AP4S1: variants seen among roughly 807,000 people sequenced by gnomAD.
AP4S1 encodes adaptor related protein complex 4 subunit sigma 1, also known as AP-4 complex subunit sigma-1.
AP4S1 carries 23 observed loss-of-function variants against 19.8 expected under a neutral mutation model. That is an observed-to-expected ratio of 1.16 (90% CI 0.84 to 1.65). The LOEUF is 1.65. Ranked by LOEUF, AP4S1 falls within the 40% of genes most tolerant of loss-of-function variation. AP4S1 has a pLI of 0.00. For synonymous variants in AP4S1, 46 were observed against 54.1 expected (o/e 0.85, Z 0.66); for missense variants, 166 against 172.8 (o/e 0.96, Z 0.22).
intron 1 of AP4S1, among the ~76,000 whole-genome samples, chr14:31,033,320 T>A (rs1251050369): frequency 6.6e-6 from 1 of 152,006 alleles, no homozygotes; most frequent in Non-Finnish European, 1.5e-5. Flanking sequence ...TTCAAACAAT[T>A]CTCCTGCCTC....
chr14:31,055,988 C>T (rs944611956), intron 1 of AP4S1, among the ~76,000 whole-genome samples: 6 of 150,884 alleles, frequency 4.0e-5, no homozygotes, highest in Admixed American at 2.0e-4. Flanking sequence ...GGATTACAGG[C>T]GCCCACCACC....
At chr14:31,036,979 A>ATTTTTTTTTTTTTTTTTTTTTTTT (rs1362672113) in intron 1 of AP4S1, among the ~76,000 whole-genome samples, 4 of 151,742 alleles carry the variant, frequency 2.6e-5, no homozygotes, top group African/African-American at 9.7e-5. Flanking sequence ...TGCCCGGCTA[A>ATTTTTTTTTTTTTTTTTTTTTTTT]TTTTTTGTAT....
At chr14:31,054,397 G>A (rs188505784) in intron 1 of AP4S1, among the ~76,000 whole-genome samples, 3 of 152,230 alleles carry the variant, frequency 2.0e-5, no homozygotes, top group African/African-American at 7.2e-5. Context: ...AATTAGCAGG[G>A]CATGGGCTGG....
At chr14:31,073,108 A>T (rs1210565231) in intron 4 of AP4S1, 135 bp downstream of exon 4, 2 of 754,878 alleles carry the variant, frequency 2.6e-6, no homozygotes, top group Non-Finnish European at 4.6e-6. Context: ...AGTGATGCCA[A>T]ATTTTCTTTA....
chr14:31,045,267 C>T (rs1018890372), intron 1 of AP4S1, among the ~76,000 whole-genome samples: 4 of 152,052 alleles, frequency 2.6e-5, no homozygotes, highest in Non-Finnish European at 4.4e-5. Context: ...TTTTATGAAC[C>T]GTTTTACCAC....
intron 1 of AP4S1, among the ~76,000 whole-genome samples, chr14:31,061,459 A>G (rs1267722215): frequency 6.6e-6 from 1 of 152,124 alleles, no homozygotes. Context: ...CATTTAGCAA[A>G]CTGACTCTTA....
chr14:31,080,596 C>G lies in AP4S1; in HGVS notation c.306+12C>G. The G allele has an allele frequency of 1.2e-6, 2 of 1,613,726 alleles. No individual in the cohort carries two copies. Among genetic ancestry groups the G allele is most frequent in the Non-Finnish European group, 1.7e-6 (2 of 1,179,674 alleles). On this transcript the variant is annotated intron_variant, in intron 5 of 5. Coordinates refer to ENST00000542754, the MANE Select transcript of AP4S1 (RefSeq NM_001128126.3). ...AGAGTGAATTAGATGTATCCTTTTT[C>G]AATACTGTTTTCCACAGTACTTGGC...
chr14:31,072,856 C>T lies in AP4S1; in HGVS notation c.226-49C>T, dbSNP rs772858144. ...ACTGGGAAGTTCTATGTCTGGTTTA[C>T]ATGGGAAGCGACACTAAAATTGATT... On this transcript the variant is annotated intron_variant, in intron 3 of 5. Coordinates refer to ENST00000542754, the MANE Select transcript of AP4S1 (RefSeq NM_001128126.3). The T allele has an allele frequency of 6.8e-6, 10 of 1,479,602 alleles. No individual in the cohort carries two copies. The South Asian group carries it at 1.0e-4, about 15-fold the overall frequency. 91.7% of individuals were successfully genotyped at this position (1,479,602 alleles called of 1,614,324 possible). A position where few individuals can be genotyped will look rare whatever the true frequency, so the allele number is the denominator to read the frequency against.
intron 1 of AP4S1, among the ~76,000 whole-genome samples, chr14:31,051,826 A>G (rs1885814348): frequency 6.6e-6 from 1 of 152,092 alleles, no homozygotes; most frequent in South Asian, 2.1e-4. Context: ...ACACCTGGCT[A>G]ATTTTTGTAT....
Position 31,096,085 on chromosome 14 carries a change from G to A in AP4S1, c.*3050G>A, listed in dbSNP as rs1052422247. On this transcript the variant is annotated 3_prime_UTR_variant, in exon 6 of 6. Coordinates refer to ENST00000542754, the MANE Select transcript of AP4S1 (RefSeq NM_001128126.3). ...CAGCCTGGGCACAGAGTGAGATTCC[G>A]TCTCAAAAAAAAAAAAAAAAAAAAA... is the stretch of plus-strand genomic sequence containing the variant. 1.1e-4 allele frequency: 11 copies of A among 102,326 alleles called. No individual in the cohort carries two copies. Among genetic ancestry groups the A allele is most frequent in the African/African-American group, 4.3e-4 (10 of 23,500 alleles). 6.3% of individuals were successfully genotyped at this position (102,326 alleles called of 1,614,324 possible). A position where few individuals can be genotyped will look rare whatever the true frequency, so the allele number is the denominator to read the frequency against.
At chr14:31,060,952 C>T (rs531193044) in intron 1 of AP4S1, among the ~76,000 whole-genome samples, 6 of 152,096 alleles carry the variant, frequency 3.9e-5, no homozygotes, top group South Asian at 2.1e-4. Flanking sequence ...TGCAGTGGCA[C>T]GATCTCGGTG....
intron 1 of AP4S1, among the ~76,000 whole-genome samples, chr14:31,061,260 C>T (rs1886422468): frequency 6.6e-6 from 1 of 152,188 alleles, no homozygotes; most frequent in Non-Finnish European, 1.5e-5. Flanking sequence ...CTCAGGTGAT[C>T]TGCCCACCTC....
chr14:31,054,328 A>C (rs1406116593), intron 1 of AP4S1, among the ~76,000 whole-genome samples: 1 of 152,248 alleles, frequency 6.6e-6, no homozygotes, highest in African/African-American at 2.4e-5. Flanking sequence ...TAATTGAGTA[A>C]ATAAACAAAT....
upstream of AP4S1, chr14:31,025,456 G>C (rs1883775876): frequency 6.2e-6 from 1 of 161,632 alleles, no homozygotes; most frequent in Non-Finnish European, 1.3e-5. Flanking sequence ...ATCGGAAAGG[G>C]GGGTGGTCCG....
chr14:31,082,046 G>A (rs1280517702), intron 5 of AP4S1, among the ~76,000 whole-genome samples: 1 of 152,062 alleles, frequency 6.6e-6, no homozygotes, highest in Admixed American at 6.6e-5. Context: ...GAACCAGTAT[G>A]TTTGCATCCA....
chr14:31,028,047 T>A (rs1273541872), intron 1 of AP4S1, among the ~76,000 whole-genome samples: 1 of 152,260 alleles, frequency 6.6e-6, no homozygotes, highest in Admixed American at 6.5e-5. Flanking sequence ...ACATCTGCTT[T>A]ACTGTTATTA....
intron 5 of AP4S1, among the ~76,000 whole-genome samples, chr14:31,088,807 CAAAAAAAAAAA>C (rs1283476951): frequency 5.7e-5 from 2 of 35,350 alleles, no homozygotes; most frequent in South Asian, 1.1e-3. Context: ...GACTCCATCT[CAAAAAAAAAAA>C]AAAAAAAAAA....
At chr14:31,068,166 C>A (rs1490204707) in intron 2 of AP4S1, among the ~76,000 whole-genome samples, 1 of 152,236 alleles carries the variant, frequency 6.6e-6, no homozygotes, top group Non-Finnish European at 1.5e-5. Flanking sequence ...CCACGCCCGG[C>A]CCCTTGAACA....
intron 1 of AP4S1, among the ~76,000 whole-genome samples, chr14:31,035,226 A>G (rs1163085040): frequency 3.5e-5 from 4 of 114,064 alleles, no homozygotes; most frequent in Non-Finnish European, 4.9e-5. Flanking sequence ...GATGGAGTCT[A>G]GCTCTATCGC....
Sources: allele counts gnomAD v4.1 joint callset (sites outside exome capture counted in the v4.1 genomes callset), GRCh38; gene constraint gnomAD v4.1.1; transcripts MANE v1.5; gene names NCBI Gene and HGNC (gene_info 2026-07-23, HGNC 2026-07-21).